LHX6: variants seen among roughly 807,000 people sequenced by gnomAD.
LHX6 encodes the protein LIM/homeobox protein Lhx6.
Under a neutral mutation model 47.1 loss-of-function variants are expected in LHX6, and 15 were observed. That is an observed-to-expected ratio of 0.32 (90% confidence interval 0.21 to 0.49). The LOEUF (loss-of-function observed/expected upper bound fraction) is 0.49, where lower values mean the gene tolerates loss of function less well. LHX6 is among the 20% of genes least tolerant of loss of function. LHX6 has a pLI of 0.99. For synonymous variants in LHX6, 242 were observed against 233.5 expected, an observed-to-expected ratio of 1.04 and a Z score of -0.33; for missense variants, 404 against 539.6, an observed-to-expected ratio of 0.75 and a Z score of 2.49.
chr9:122,227,761 AG>A, intron 1 of LHX6: 2 of 489,488 alleles, frequency 4.1e-6, no homozygotes, highest in Non-Finnish European at 6.6e-6. Flanking sequence ...CAAGCCTCTG[AG>A]GGGGGAAGAA....
At position 122,226,842 on chromosome 9, in the gene LHX6, T is replaced by G; in HGVS notation, c.339+6A>C. On this transcript the variant is annotated splice_donor_region_variant and intron_variant, in intron 3 of 9. Transcript: ENST00000394319. The surrounding 1 kb of genome is among the most constrained non-coding windows in gnomAD (Gnocchi z 6.5). ...AACACGCACGCAACACCTACCCCTGTCTCACCTTGAGCAGATATCGGTCCA... is the reference window on the plus strand; with the variant it reads ...AACACGCACGCAACACCTACCCCTGGCTCACCTTGAGCAGATATCGGTCCA... 1 of 1,561,182 alleles carries G rather than the reference T, an allele frequency of 6.4e-7. No homozygotes were observed. Among genetic ancestry groups the G allele is most frequent in the East Asian group, 2.4e-5 (1 of 42,464 alleles).
At chr9:122,210,240 A>G (rs905684606) in intron 8 of LHX6, among the ~76,000 whole-genome samples, 2 of 109,178 alleles carry the variant, frequency 1.8e-5, no homozygotes, top group Admixed American at 9.1e-5. Context: ...CTTTATAAAG[A>G]GCTACGTGAG....
At chr9:122,211,758 C>T (rs780973112) in intron 8 of LHX6, among the ~76,000 whole-genome samples, 1 of 152,196 alleles carries the variant, frequency 6.6e-6, no homozygotes, top group Non-Finnish European at 1.5e-5. Flanking sequence ...AGTGTATGGA[C>T]AGAGTCCTGG....
rs556091029 is a variant in LHX6, at chr9:122,216,469, G to A, written c.682+599C>T. 4.6e-5 allele frequency among the ~76,000 whole-genome samples: 7 copies of A among 152,346 alleles called. No individual in the cohort carries two copies. In the South Asian group the frequency reaches 1.5e-3, roughly 32 times the overall value. On this transcript the variant is annotated intron_variant, in intron 5 of 9. Transcript: ENST00000394319. ...ACAGATGTAGGGACTGAGGCCCAGA[G>A]AGAAAAGGAAACCTCATATGTCAAC...
rs1326666621 is a variant in LHX6, at chr9:122,213,549, G to A, written c.1054+57C>T. ...GCCTCGGCCTCAGCCGCCCACGTGC[G>A]CTCCTCCGCGCCCCCTCCCCGCAGG... is the stretch of plus-strand genomic sequence containing the variant. On this transcript the variant is annotated intron_variant, in intron 8 of 9. Coordinates refer to ENST00000394319, the MANE Select transcript of LHX6 (RefSeq NM_014368.5). The surrounding 1 kb of genome is among the most constrained non-coding windows in gnomAD (Gnocchi z 5.5). 6.8e-6 allele frequency: 10 copies of A among 1,461,250 alleles called. No homozygotes were observed. In the Admixed American group the frequency reaches 1.2e-4, roughly 17 times the overall value. The allele number at this position is 1,461,250 out of a possible 1,614,324, so 90.5% of individuals were successfully genotyped here. A position where few individuals can be genotyped will look rare whatever the true frequency, so the allele number is the denominator to read the frequency against.
chr9:122,204,727 C>T lies in LHX6; in HGVS notation c.*33G>A, dbSNP rs576331654. 26 of 1,596,398 alleles carry T rather than the reference C, an allele frequency of 1.6e-5. No individual in the cohort carries two copies. The highest frequency in any genetic ancestry group is 5.4e-5 in the African/African-American group (4 of 74,430). ...CAGCGGCTGAGGGGCAGCTGTGGGGCGCCCACGGGCAGATGCGGAAGTGCC... is the reference window on the plus strand; with the variant it reads ...CAGCGGCTGAGGGGCAGCTGTGGGGTGCCCACGGGCAGATGCGGAAGTGCC... On this transcript the variant is annotated 3_prime_UTR_variant, in exon 10 of 10. Coordinates refer to ENST00000394319, the MANE Select transcript of LHX6 (RefSeq NM_014368.5).
chr9:122,223,443 C>G (rs988994384), intron 4 of LHX6, among the ~76,000 whole-genome samples: 1 of 152,240 alleles, frequency 6.6e-6, no homozygotes. Flanking sequence ...TTGTGCCCAG[C>G]ATCCACCCTG....
chr9:122,226,782 C>A lies in LHX6; in HGVS notation c.339+66G>T, dbSNP rs1831120629. ...GAAGTAAGAGGACCTGCGGTGCTTC[C>A]CTGCAGTCTCCTGCGCTGCGTCCCA... On this transcript the variant is annotated intron_variant, in intron 3 of 9. Transcript: ENST00000394319. The surrounding 1 kb of genome is among the most constrained non-coding windows in gnomAD (Gnocchi z 6.5). The A allele has an allele frequency of 1.3e-6, 2 of 1,489,654 alleles. No individual in the cohort carries two copies. Among genetic ancestry groups the A allele is most frequent in the Non-Finnish European group, 1.8e-6 (2 of 1,106,452 alleles). 92.3% of individuals were successfully genotyped at this position (1,489,654 alleles called of 1,614,324 possible). A position where few individuals can be genotyped will look rare whatever the true frequency, so the allele number is the denominator to read the frequency against.
chr9:122,221,331 T>C, intron 4 of LHX6: 1 of 985,522 alleles, frequency 1.0e-6, no homozygotes, highest in Non-Finnish European at 1.2e-6. Context: ...CCCCAACATC[T>C]GTCCCCCAAC....
chr9:122,228,227 C>A (rs1361431224), intron 1 of LHX6: 4 of 1,521,766 alleles, frequency 2.6e-6, no homozygotes, highest in African/African-American at 2.8e-5. Flanking sequence ...GAGATCGGGG[C>A]GAAACGGGAC....
At chr9:122,220,565 A>T (rs1458210639) in intron 4 of LHX6, among the ~76,000 whole-genome samples, 2 of 152,246 alleles carry the variant, frequency 1.3e-5, no homozygotes, top group Non-Finnish European at 2.9e-5. Flanking sequence ...CGAAACTTCA[A>T]GAAACAGATG....
chr9:122,214,578 C>A lies in LHX6; in HGVS notation c.683-195G>T, dbSNP rs1179259281. 1 of 324,230 alleles carries A rather than the reference C, an allele frequency of 3.1e-6. No individual in the cohort carries two copies. The highest frequency in any genetic ancestry group is 1.7e-4 in the East Asian group (1 of 5,922). The allele number at this position is 324,230 out of a possible 1,614,324, so 20.1% of individuals were successfully genotyped here. A position where few individuals can be genotyped will look rare whatever the true frequency, so the allele number is the denominator to read the frequency against. ...CTGAGCGTCCGCTTAGTACTGGACA[C>A]TTCTTACACGACTGGACCACGTCTT... On this transcript the variant is annotated intron_variant, in intron 5 of 9. Transcript: ENST00000394319. The surrounding 1 kb of genome is among the most constrained non-coding windows in gnomAD (Gnocchi z 4.6).
At chr9:122,221,902 A>T (rs1830879636) in intron 4 of LHX6, among the ~76,000 whole-genome samples, 1 of 152,142 alleles carries the variant, frequency 6.6e-6, no homozygotes, top group Admixed American at 6.5e-5. Flanking sequence ...TATAGGGCTT[A>T]TCTAGTCTCT....
At chr9:122,218,411 C>G (rs760762998) in intron 4 of LHX6, among the ~76,000 whole-genome samples, 52 of 152,262 alleles carry the variant, frequency 3.4e-4, no homozygotes, top group Middle Eastern at 3.4e-3. Context: ...ACCCCTCATC[C>G]AGCCAATCAT....
intron 9 of LHX6, among the ~76,000 whole-genome samples, chr9:122,206,193 T>C (rs964913146): frequency 6.6e-6 from 1 of 152,054 alleles, no homozygotes; most frequent in African/African-American, 2.4e-5. Context: ...TGTGGCCAAA[T>C]GACGATGCGG....
intron 4 of LHX6, among the ~76,000 whole-genome samples, chr9:122,222,439 G>C (rs1040610762): frequency 6.6e-6 from 1 of 152,146 alleles, no homozygotes; most frequent in Admixed American, 6.5e-5. Flanking sequence ...GGGAATCTCA[G>C]GGAGTAAGGG....
intron 4 of LHX6, among the ~76,000 whole-genome samples, chr9:122,222,470 C>T (rs997883208): frequency 4.6e-5 from 7 of 152,016 alleles, no homozygotes; most frequent in Non-Finnish European, 8.8e-5. Context: ...TCTGGATAAA[C>T]GCACAAGGGT....
At chr9:122,209,798 G>T in intron 8 of LHX6, 81 bp from the exon 9 acceptor site, 1 of 647,968 alleles carries the variant, frequency 1.5e-6, no homozygotes, top group Non-Finnish European at 2.8e-6. Context: ...CTACAGACTG[G>T]AGCCCTGAAA....
Position 122,226,683 on chromosome 9 carries a change from G to A in LHX6, c.339+165C>T. 1.7e-6 allele frequency: 2 copies of A among 1,211,664 alleles called. No individual in the cohort carries two copies. The highest frequency in any genetic ancestry group is 3.1e-5 in the South Asian group (2 of 63,594). The allele number at this position is 1,211,664 out of a possible 1,614,324, so 75.1% of individuals were successfully genotyped here. A position where few individuals can be genotyped will look rare whatever the true frequency, so the allele number is the denominator to read the frequency against. On this transcript the variant is annotated intron_variant, in intron 3 of 9. Transcript: ENST00000394319. This position sits in a 1 kb window ranked among gnomAD's most constrained non-coding sequence, Gnocchi z 6.5. ...ATAAACTCTTCTTATTTTTCAGACG[G>A]AACCCGGGGGCTCAGGCAGACCCTA...
Sources: gnomAD v4.1 joint callset for allele counts (sites outside exome capture counted in the v4.1 genomes callset) on GRCh38, gnomAD v4.1.1 for gene constraint, Gnocchi (gnomAD v3.1) non-coding constraint, MANE v1.5 for transcripts, NCBI Gene and HGNC (gene_info 2026-07-23, HGNC 2026-07-21) for gene names.